The following OR5AN1 variants were observed in gnomAD, a reference collection of about 807,000 sequenced individuals.
OR5AN1 encodes olfactory receptor 5AN1.
For synonymous variants in OR5AN1, 167 were observed against 131.8 expected, an observed-to-expected ratio of 1.27 and a Z score of -1.83; for missense variants, 476 against 368.9, an observed-to-expected ratio of 1.29 and a Z score of -2.38.
rs77851114 is a variant in OR5AN1, at chr11:59,365,125, G to T, written c.667G>T (p.Gly223Cys). 8.5e-5 allele frequency: 137 copies of T among 1,613,984 alleles called. No homozygotes were observed. In the African/African-American group the frequency reaches 1.5e-3, roughly 18 times the overall value. ...TATCATGATATCCTATGGCTATATT[G>T]GCATCTCCATCATGAAGATCACTTC... ...LVIMISYGYIGISIMKITSAK... is the reference protein window; with the variant it reads ...LVIMISYGYICISIMKITSAK... Residue 223 changes from glycine (G) to cysteine (C), a missense_variant, in exon 2 of 2, where the codon GGC (glycine) becomes TGC (cysteine). Coordinates refer to ENST00000641998, the MANE Select transcript of OR5AN1 (RefSeq NM_001004729.2).
intron 1 of OR5AN1, chr11:59,359,618 A>T (rs1429280362): frequency 6.6e-6 from 1 of 152,182 alleles, no homozygotes; most frequent in African/African-American, 2.4e-5. Context: ...ATAGCAAGAG[A>T]CACACTGAGT....
chr11:59,365,448 C>T lies in OR5AN1; in HGVS notation c.*54C>T. On this transcript the variant is annotated 3_prime_UTR_variant, in exon 2 of 2. Coordinates refer to ENST00000641998, the MANE Select transcript of OR5AN1 (RefSeq NM_001004729.2). The stretch of plus-strand genomic sequence containing the variant: ...TATGGCCCATCAGAATCTCCCTAAC[C>T]CACAAAATATGATAATGAATGGACT... 9.3e-7 allele frequency: 1 copy of T among 1,072,004 alleles called. No homozygotes were observed. The highest frequency in any genetic ancestry group is 1.3e-6 in the Non-Finnish European group (1 of 741,690). 66.4% of individuals were successfully genotyped at this position (1,072,004 alleles called of 1,614,324 possible).
At chr11:59,364,381 A>G in intron 1 of OR5AN1, 65 bp from the exon 2 acceptor site, 1 of 945,210 alleles carries the variant, frequency 1.1e-6, no homozygotes, top group Non-Finnish European at 1.6e-6. Context: ...ACACATATGA[A>G]GACGGTAATG....
At position 59,364,558 on chromosome 11, in the gene OR5AN1, G is replaced by A; in HGVS notation, c.100G>A (p.Val34Met). Reference protein sequence around the residue: ...IIKVLFTIFLVIYITSLAWNL... With the variant: ...IIKVLFTIFLMIYITSLAWNL... ...AAAAGTGCTCTTCACTATATTCCTGGTGATCTACATTACATCTCTGGCCTG... is the reference window on the plus strand; with the variant it reads ...AAAAGTGCTCTTCACTATATTCCTGATGATCTACATTACATCTCTGGCCTG... Residue 34 changes from valine to methionine, a missense_variant, in exon 2 of 2, where the codon GTG becomes ATG. Val to Met is a conservative substitution (Grantham distance 21). Coordinates refer to ENST00000641998, the MANE Select transcript of OR5AN1 (RefSeq NM_001004729.2). 6.2e-7 allele frequency: 1 copy of A among 1,613,792 alleles called. No homozygotes were observed. The highest frequency in any genetic ancestry group is 2.2e-5 in the East Asian group (1 of 44,862).
rs903990156 is a variant in OR5AN1, at chr11:59,370,354, C to T, written c.*4960C>T. Reference sequence around the variant, plus strand: ...AAAGGAAGACCCAATGGTATGCTGTCTTCAAGAGACCCGTCTCACATGTAA... The same window carrying T: ...AAAGGAAGACCCAATGGTATGCTGTTTTCAAGAGACCCGTCTCACATGTAA... On this transcript the variant is annotated 3_prime_UTR_variant, in exon 2 of 2. Transcript: ENST00000641998. 4.6e-5 allele frequency: 7 copies of T among 152,116 alleles called. No individual in the cohort carries two copies. The highest frequency in any genetic ancestry group is 8.8e-5 in the Non-Finnish European group (6 of 68,018). The allele number at this position is 152,116 out of a possible 1,614,324, so 9.4% of individuals were successfully genotyped here.
rs982774077 is a variant in OR5AN1 at position 59,369,890 on chromosome 11, C to G, written c.*4496C>G. ...AGGGTGAGTCATCTACAAAGGGATC[C>G]CCGTCAGGCTAACAGCAGACCTCTC... On this transcript the variant is annotated 3_prime_UTR_variant, in exon 2 of 2. Coordinates refer to ENST00000641998, the MANE Select transcript of OR5AN1 (RefSeq NM_001004729.2). 6.6e-6 allele frequency: 1 copy of G among 152,088 alleles called. No homozygotes were observed. Among genetic ancestry groups the G allele is most frequent in the South Asian group, 2.1e-4 (1 of 4,818 alleles). 9.4% of individuals were successfully genotyped at this position (152,088 alleles called of 1,614,324 possible). A position where few individuals can be genotyped will look rare whatever the true frequency, so the allele number is the denominator to read the frequency against.
rs1289797207 is a variant in OR5AN1, at chr11:59,370,513, T to C, written c.*5119T>C. On this transcript the variant is annotated 3_prime_UTR_variant, in exon 2 of 2. Coordinates refer to ENST00000641998, the MANE Select transcript of OR5AN1 (RefSeq NM_001004729.2). ...TTCTAACCAATTAATGTATGAATTA[T>C]GTGAAATACCAATCAAAATCACAAC... 1 of 152,242 alleles carries C rather than the reference T, an allele frequency of 6.6e-6. No individual in the cohort carries two copies. The highest frequency in any genetic ancestry group is 2.4e-5 in the African/African-American group (1 of 41,474). 9.4% of individuals were successfully genotyped at this position (152,242 alleles called of 1,614,324 possible).
chr11:59,365,325 G>C lies in OR5AN1; in HGVS notation c.867G>C (p.Leu289Phe), dbSNP rs7941190. 0.68 allele frequency: 1,100,990 copies of C among 1,609,818 alleles called. 378,261 individuals carry two copies. Among genetic ancestry groups the C allele is most frequent in the Admixed American group, 0.73 (43,508 of 59,754 alleles). Residue 289 changes from leucine (L) to phenylalanine (F), a missense_variant, in exon 2 of 2, where the codon TTG (leucine) becomes TTC (phenylalanine). Coordinates refer to ENST00000641998, the MANE Select transcript of OR5AN1 (RefSeq NM_001004729.2). ...YTVVIPMLNPLIYSLRNKEIK... is the reference protein window; with the variant it reads ...YTVVIPMLNPFIYSLRNKEIK... Reference sequence around the variant, plus strand: ...TGGTCATTCCCATGTTAAATCCCTTGATTTACAGTTTGAGGAACAAAGAAA... The same window carrying C: ...TGGTCATTCCCATGTTAAATCCCTTCATTTACAGTTTGAGGAACAAAGAAA...
At chr11:59,362,720 T>C (rs1857477359) in intron 1 of OR5AN1, among the ~76,000 whole-genome samples, 1 of 152,236 alleles carries the variant, frequency 6.6e-6, no homozygotes. Flanking sequence ...GAATGTACAC[T>C]ATCTATGCAT....
rs1489285843 is a variant in OR5AN1 at position 59,364,536 on chromosome 11, A to C, written c.78A>C (p.Lys26Asn). ...TCTCAGATTTTCCCAGGATCATAAA[A>C]GTGCTCTTCACTATATTCCTGGTGA... ...LGFSDFPRII[K>N]VLFTIFLVIY... The change falls in exon 2 of 2, where the codon AAA (lysine) becomes AAC (asparagine). Residue 26 changes from lysine to asparagine, a missense_variant. By Grantham distance (94) the Lys-to-Asn change is moderately conservative. Transcript: ENST00000641998. 15 of 1,613,726 alleles carry C rather than the reference A, an allele frequency of 9.3e-6. No homozygotes were observed. The highest frequency in any genetic ancestry group is 1.3e-5 in the African/African-American group (1 of 74,912).
In OR5AN1 at chr11:59,367,488, C is replaced by G. The variant is rs1401639668; in HGVS notation, c.*2094C>G. ...AAGAGGCTGAATCCAGGGGTGTTAA[C>G]AGCAACAACCCACAGGCCCCACTTC... On this transcript the variant is annotated 3_prime_UTR_variant, in exon 2 of 2. Transcript: ENST00000641998. 2.0e-5 allele frequency: 3 copies of G among 152,256 alleles called. No homozygotes were observed. The highest frequency in any genetic ancestry group is 4.4e-5 in the Non-Finnish European group (3 of 68,084). 9.4% of individuals were successfully genotyped at this position (152,256 alleles called of 1,614,324 possible).
At chr11:59,364,354 G>T (rs1857497879) in intron 1 of OR5AN1, 92 bp from the exon 2 acceptor site, 2 of 752,900 alleles carry the variant, frequency 2.7e-6, no homozygotes, top group Non-Finnish European at 4.3e-6. Flanking sequence ...TCCAGTGCTT[G>T]TTGGAAGAAA....
Position 59,371,510 on chromosome 11 carries a change from T to C in OR5AN1, c.*6116T>C, listed in dbSNP as rs1857594023. On this transcript the variant is annotated 3_prime_UTR_variant, in exon 2 of 2. Transcript: ENST00000641998. ...AGCTAAGGCTAACCTGCATCTATGC[T>C]CCAGCTTCCAGGACTCCTCCCTATG... 1 of 152,184 alleles carries C rather than the reference T, an allele frequency of 6.6e-6. No homozygotes were observed. Among genetic ancestry groups the C allele is most frequent in the South Asian group, 2.1e-4 (1 of 4,830 alleles). 9.4% of individuals were successfully genotyped at this position (152,184 alleles called of 1,614,324 possible).
intron 1 of OR5AN1, among the ~76,000 whole-genome samples, chr11:59,362,340 A>G (rs548031184): frequency 6.6e-6 from 1 of 152,210 alleles, no homozygotes; most frequent in South Asian, 2.1e-4. Context: ...GTTATTTTTC[A>G]GGAATATCAC....
Position 59,365,387 on chromosome 11 carries a change from G to T in OR5AN1, c.929G>T (p.Cys310Phe). The change falls in exon 2 of 2, where the codon TGC (cysteine) becomes TTC (phenylalanine). Residue 310 changes from cysteine (C) to phenylalanine (F), a missense_variant. Coordinates refer to ENST00000641998, the MANE Select transcript of OR5AN1 (RefSeq NM_001004729.2). ...TTAAAGAGGTTGCAAAAGAGAAAGT[G>T]CTGCTGAGTTTACAGATTCTGAGAT... The part of the protein sequence containing the change: ...DALKRLQKRK[C>F]C 1.3e-6 allele frequency: 2 copies of T among 1,579,628 alleles called. No homozygotes were observed. The highest frequency in any genetic ancestry group is 1.2e-5 in the South Asian group (1 of 85,778).
intron 1 of OR5AN1, among the ~76,000 whole-genome samples, chr11:59,361,116 TAGAA>T (rs34813442): frequency 0.18 from 27,877 of 152,074 alleles, 3,184 homozygotes; most frequent in Non-Finnish European, 0.27. Flanking sequence ...TACTACAAGA[TAGAA>T]AGAAGTACAA....
chr11:59,362,544 CTATTAT>C (rs1318926815), intron 1 of OR5AN1, among the ~76,000 whole-genome samples: 1 of 152,176 alleles, frequency 6.6e-6, no homozygotes, highest in Non-Finnish European at 1.5e-5. Flanking sequence ...TTTGGCATGT[CTATTAT>C]TATAAGAATA....
At position 59,370,069 on chromosome 11, in the gene OR5AN1, T is replaced by C. The variant is rs372536916; in HGVS notation, c.*4675T>C. 36 of 152,280 alleles carry C rather than the reference T, an allele frequency of 2.4e-4. No individual in the cohort carries two copies. The highest frequency in any genetic ancestry group is 8.4e-4 in the African/African-American group (35 of 41,566). 9.4% of individuals were successfully genotyped at this position (152,280 alleles called of 1,614,324 possible). A position where few individuals can be genotyped will look rare whatever the true frequency, so the allele number is the denominator to read the frequency against. The stretch of plus-strand genomic sequence containing the variant: ...CTCAGATAAGCAAATGTTGAGGGAC[T>C]TCATTACCACCAGACCTGCCTTACA... On this transcript the variant is annotated 3_prime_UTR_variant, in exon 2 of 2. Transcript: ENST00000641998.
Position 59,364,463 on chromosome 11 carries a change from C to A in OR5AN1, c.5C>A (p.Thr2Asn), listed in dbSNP as rs1356476473. ...GATATTAGGAGCACTGAGCCAATGA[C>A]TGGGGGAGGAAATATTACAGAAATC... M[T>N]GGGNITEITY... Residue 2 changes from threonine (T) to asparagine (N), a missense_variant, in exon 2 of 2, where the codon ACT (threonine) becomes AAT (asparagine). Transcript: ENST00000641998. The A allele has an allele frequency of 6.2e-7, 1 of 1,603,344 alleles. No individual in the cohort carries two copies. Among genetic ancestry groups the A allele is most frequent in the East Asian group, 2.2e-5 (1 of 44,784 alleles).
Sources: gnomAD v4.1 joint callset for allele counts (sites outside exome capture counted in the v4.1 genomes callset) on GRCh38, gnomAD v4.1.1 for gene constraint, MANE v1.5 for transcripts, NCBI Gene and HGNC (gene_info 2026-07-23, HGNC 2026-07-21) for gene names.